Variants in PGM5 observed in about 807,000 individuals in gnomAD.
The protein encoded by PGM5 is phosphoglucomutase-like protein 5.
In PGM5, 23 loss-of-function variants were observed where a neutral mutation model predicts 59.2. That is an observed-to-expected ratio of 0.39 (90% confidence interval 0.28 to 0.55). The LOEUF (loss-of-function observed/expected upper bound fraction) is 0.55. Among genes scored for constraint, PGM5 ranks in the 20% least tolerant of loss-of-function variants. The pLI is 0.66. For synonymous variants in PGM5, 214 were observed against 286.0 expected (o/e 0.75, Z 2.54); for missense variants, 574 against 748.3 (o/e 0.77, Z 2.72).
intron 8 of PGM5, among the ~76,000 whole-genome samples, chr9:68,481,613 G>A (rs1275989080): frequency 6.6e-6 from 1 of 152,134 alleles, no homozygotes; most frequent in Non-Finnish European, 1.5e-5. Context: ...GATTATCTAG[G>A]TTTCTGCTGG....
chr9:68,409,209 A>C (rs1415032432), intron 6 of PGM5, among the ~76,000 whole-genome samples: 5 of 146,438 alleles, frequency 3.4e-5, no homozygotes, highest in African/African-American at 1.3e-4. Context: ...GGCAATCATT[A>C]AAAAGTCAGG....
At chr9:68,382,309 C>T (rs1554678387) in intron 2 of PGM5, among the ~76,000 whole-genome samples, 1 of 151,346 alleles carries the variant, frequency 6.6e-6, no homozygotes, top group Non-Finnish European at 1.5e-5. Context: ...CCTGGGAAAA[C>T]AAAAATGTAA....
At chr9:68,499,193 C>T in intron 9 of PGM5, 34 bp from the exon 10 acceptor site, 1 of 1,611,778 alleles carries the variant, frequency 6.2e-7, no homozygotes, top group East Asian at 2.2e-5. Flanking sequence ...TATTCATTTG[C>T]TCACTGCTCC....
At chr9:68,508,252 G>A (rs906695077) in intron 10 of PGM5, among the ~76,000 whole-genome samples, 1 of 152,044 alleles carries the variant, frequency 6.6e-6, no homozygotes, top group Non-Finnish European at 1.5e-5. Context: ...AGCTTATCCC[G>A]AGAACCAGTG....
chr9:68,438,788 A>G lies in PGM5; in HGVS notation c.1044-26305A>G, dbSNP rs143471849. ...ATGAATGCAGACAGGAAAGTCCTCT[A>G]GTTCTGTTTCGAGGAACTTAACAGT... On this transcript the variant is annotated intron_variant, in intron 6 of 10. Transcript: ENST00000396396. Among the ~76,000 whole-genome samples the G allele has an allele frequency of 9.7e-4, 148 of 152,318 alleles. 1 individual carries two copies. In the East Asian group the frequency reaches 0.021, roughly 21 times the overall value.
intron 6 of PGM5, among the ~76,000 whole-genome samples, chr9:68,426,544 G>T (rs1554682705): frequency 1.3e-5 from 2 of 150,780 alleles, no homozygotes; most frequent in African/African-American, 2.4e-5. Context: ...GTTTACAGTT[G>T]TTCCCTATTA....
rs1387349151 is a variant in PGM5 at position 68,437,309 on chromosome 9, A to G, written c.1044-27784A>G. Among the ~76,000 whole-genome samples the G allele has an allele frequency of 1.3e-5, 2 of 152,120 alleles. No homozygotes were observed. Among genetic ancestry groups the G allele is most frequent in the Admixed American group, 1.3e-4 (2 of 15,276 alleles). On this transcript the variant is annotated intron_variant, in intron 6 of 10. Transcript: ENST00000396396. The surrounding 1 kb of genome is among the most constrained non-coding windows in gnomAD (Gnocchi z 4.1). ...GTACTTATTGAAGGAAGAGACTCTG[A>G]TAGAGGATATTGTTAGTGGAGAAAA...
chr9:68,360,152 AAAAACT>A (rs1554676178), intron 1 of PGM5, among the ~76,000 whole-genome samples: 1 of 152,180 alleles, frequency 6.6e-6, no homozygotes, highest in East Asian at 1.9e-4. Context: ...ATGTTCTAGG[AAAAACT>A]ACAGTTACTC....
chr9:68,422,998 C>G (rs1391726573), intron 6 of PGM5, among the ~76,000 whole-genome samples: 1 of 152,300 alleles, frequency 6.6e-6, no homozygotes, highest in East Asian at 1.9e-4. Context: ...TCCTGAATTA[C>G]TTCACTTAGA....
At chr9:68,411,712 G>A (rs1822938711) in intron 6 of PGM5, among the ~76,000 whole-genome samples, 1 of 152,086 alleles carries the variant, frequency 6.6e-6, no homozygotes, top group South Asian at 2.1e-4. Context: ...TTTAGTGACA[G>A]AGTCAGATAT....
intron 10 of PGM5, among the ~76,000 whole-genome samples, chr9:68,503,892 G>A (rs1488394292): frequency 1.3e-5 from 2 of 152,202 alleles, no homozygotes; most frequent in African/African-American, 2.4e-5. Context: ...AATTAGACAA[G>A]TGCATCTCAA....
intron 6 of PGM5, among the ~76,000 whole-genome samples, chr9:68,457,527 T>C (rs944704001): frequency 1.3e-5 from 2 of 152,254 alleles, no homozygotes; most frequent in Non-Finnish European, 1.5e-5. Context: ...CCATTTATAG[T>C]TGCTGTATAT....
chr9:68,410,990 C>A (rs1329459081), intron 6 of PGM5, among the ~76,000 whole-genome samples: 1 of 152,160 alleles, frequency 6.6e-6, no homozygotes, highest in Non-Finnish European at 1.5e-5. Flanking sequence ...AAGGCCCCAG[C>A]AGTGCAAGCT....
At chr9:68,519,766 C>T (rs988899415) in intron 10 of PGM5, among the ~76,000 whole-genome samples, 6 of 151,506 alleles carry the variant, frequency 4.0e-5, no homozygotes, top group Non-Finnish European at 5.9e-5. Context: ...GAACTAACTG[C>T]TGTAGGAAAA....
At chr9:68,429,747 T>C (rs1254736218) in intron 6 of PGM5, among the ~76,000 whole-genome samples, 1 of 152,202 alleles carries the variant, frequency 6.6e-6, no homozygotes, top group Non-Finnish European at 1.5e-5. Flanking sequence ...AGGCCACAGA[T>C]TTTCTCAGGC....
Position 68,483,845 on chromosome 9 carries a change from T to C in PGM5, c.1296-20T>C. ...GCTGGTTCTCTGATTAGGTTTCTGT[T>C]CCTCCTGTGTCCTCACCAGGTTTGA... On this transcript the variant is annotated intron_variant, in intron 8 of 10. Coordinates refer to ENST00000396396, the MANE Select transcript of PGM5 (RefSeq NM_021965.4). 3 of 1,610,994 alleles carry C rather than the reference T, an allele frequency of 1.9e-6. No homozygotes were observed. The highest frequency in any genetic ancestry group is 2.5e-6 in the Non-Finnish European group (3 of 1,177,546).
intron 10 of PGM5, among the ~76,000 whole-genome samples, chr9:68,516,034 A>G (rs1402243954): frequency 2.6e-5 from 4 of 152,238 alleles, no homozygotes; most frequent in East Asian, 1.9e-4. Context: ...ATCCAATGCT[A>G]TAGGTAGTCA....
intron 2 of PGM5, among the ~76,000 whole-genome samples, chr9:68,384,070 T>C (rs1161519998): frequency 6.6e-5 from 10 of 152,030 alleles, no homozygotes; most frequent in African/African-American, 1.9e-4. Context: ...TCTCATAACC[T>C]GAATAAAGCT....
chr9:68,394,949 T>G (rs1304946098), intron 6 of PGM5, among the ~76,000 whole-genome samples: 3 of 152,174 alleles, frequency 2.0e-5, no homozygotes, highest in Non-Finnish European at 2.9e-5. Flanking sequence ...TAGTATCTTT[T>G]AATGGGCAGA....
Sources: gnomAD v4.1 joint callset for allele counts (sites outside exome capture counted in the v4.1 genomes callset) on GRCh38, gnomAD v4.1.1 for gene constraint, Gnocchi (gnomAD v3.1) non-coding constraint, MANE v1.5 for transcripts, NCBI Gene and HGNC (gene_info 2026-07-23, HGNC 2026-07-21) for gene names.